ZRANB3: variants seen among roughly 807,000 people sequenced by gnomAD.
ZRANB3 encodes zinc finger RANBP2-type containing 3, also known as DNA annealing helicase and endonuclease ZRANB3.
A neutral mutation model predicts 133.8 loss-of-function variants in ZRANB3; 125 were observed. The observed-to-expected ratio is 0.93, with a 90% confidence interval of 0.81 to 1.08. ZRANB3 has a LOEUF of 1.08. ZRANB3 is among the 50% of genes least tolerant of loss of function. The pLI is 0.00. For synonymous variants in ZRANB3, 387 were observed against 432.7 expected, an observed-to-expected ratio of 0.89 and a Z score of 1.31; for missense variants, 1,229 against 1,275.5, an observed-to-expected ratio of 0.96 and a Z score of 0.56.
intron 8 of ZRANB3, among the ~76,000 whole-genome samples, chr2:135,305,113 G>A (rs142869566): frequency 1.0e-3 from 154 of 152,196 alleles, no homozygotes; most frequent in African/African-American, 3.6e-3. Context: ...AAGTAGCTGT[G>A]ATTACAGGTG....
At chr2:135,511,528 C>T in intron 1 of ZRANB3, 3 of 1,023,796 alleles carry the variant, frequency 2.9e-6, no homozygotes, top group South Asian at 1.3e-5. Context: ...GACAAACCCA[C>T]CAAAGACCTC....
At chr2:135,320,576 C>A (rs1683476856) in intron 6 of ZRANB3, among the ~76,000 whole-genome samples, 1 of 152,104 alleles carries the variant, frequency 6.6e-6, no homozygotes, top group African/African-American at 2.4e-5. Flanking sequence ...TAAACATACG[C>A]CTTTTAATCT....
At position 135,219,104 on chromosome 2, in the gene ZRANB3, G is replaced by C; in HGVS notation, c.2325C>G (p.Ser775Arg). Residue 775 changes from serine to arginine, a missense_variant, in exon 16 of 21, where the codon AGC becomes AGG. Ser to Arg is a moderately radical substitution (Grantham distance 110). Transcript: ENST00000264159. ...KLDLWEDLPA[S>R]FQLKQYRSLI... Reference sequence around the variant, plus strand: ...GTGAGCGATATTGTTTCAGCTGAAAGCTTGCTGGTAAATCTTCCCAAAGGT... The same window carrying C: ...GTGAGCGATATTGTTTCAGCTGAAACCTTGCTGGTAAATCTTCCCAAAGGT... 2 of 1,527,054 alleles carry C rather than the reference G, an allele frequency of 1.3e-6. No individual in the cohort carries two copies. The highest frequency in any genetic ancestry group is 1.8e-6 in the Non-Finnish European group (2 of 1,142,180). The allele number at this position is 1,527,054 out of a possible 1,614,324, so 94.6% of individuals were successfully genotyped here. A position where few individuals can be genotyped will look rare whatever the true frequency, so the allele number is the denominator to read the frequency against.
chr2:135,419,397 T>A (rs1688737518), intron 2 of ZRANB3, among the ~76,000 whole-genome samples: 1 of 151,966 alleles, frequency 6.6e-6, no homozygotes. Context: ...TGTTTATGTG[T>A]GTGTGTGTGT....
In ZRANB3 at chr2:135,412,803, G is replaced by A. The variant is rs1055819620; in HGVS notation, c.162-21983C>T. ...GTTATAGGGCAATTTTCTGCTAATGGAATCAGACTAATGAAGCATATTTTC... is the reference window on the plus strand; with the variant it reads ...GTTATAGGGCAATTTTCTGCTAATGAAATCAGACTAATGAAGCATATTTTC... On this transcript the variant is annotated intron_variant, in intron 2 of 20. Transcript: ENST00000264159. Among the ~76,000 whole-genome samples the A allele has an allele frequency of 2.6e-5, 4 of 151,936 alleles. No homozygotes were observed. The South Asian group carries it at 8.3e-4, about 31-fold the overall frequency.
rs1558846889 is a variant in ZRANB3, at chr2:135,230,939, A to G, written c.1540-12T>C. ...TTTTCTTTTTCGAACTAGGAAAAGC[A>G]AACAGTAGTTATCAAAGTAAGAAGC... On this transcript the variant is annotated splice_polypyrimidine_tract_variant and intron_variant, in intron 12 of 20. Coordinates refer to ENST00000264159, the MANE Select transcript of ZRANB3 (RefSeq NM_032143.4). 8 of 1,531,290 alleles carry G rather than the reference A, an allele frequency of 5.2e-6. No homozygotes were observed. The highest frequency in any genetic ancestry group is 2.3e-5 in the East Asian group (1 of 44,146). 94.9% of individuals were successfully genotyped at this position (1,531,290 alleles called of 1,614,324 possible).
At chr2:135,312,144 T>C (rs1683015212) in intron 8 of ZRANB3, among the ~76,000 whole-genome samples, 1 of 112,806 alleles carries the variant, frequency 8.9e-6, no homozygotes, top group South Asian at 2.8e-4. Flanking sequence ...TTATTTTATT[T>C]TATTTTATTT....
At chr2:135,458,267 T>C (rs531931232) in intron 2 of ZRANB3, among the ~76,000 whole-genome samples, 12 of 152,272 alleles carry the variant, frequency 7.9e-5, no homozygotes, top group Non-Finnish European at 1.5e-4. Context: ...CCAGTACTTA[T>C]AGTCTTCATT....
intron 11 of ZRANB3, among the ~76,000 whole-genome samples, chr2:135,266,341 C>A (rs985143728): frequency 6.6e-6 from 1 of 152,182 alleles, no homozygotes; most frequent in African/African-American, 2.4e-5. Context: ...TAACATATTT[C>A]TTTTGTATGA....
At chr2:135,488,537 TA>T (rs2104803008) in intron 2 of ZRANB3, among the ~76,000 whole-genome samples, 1 of 151,716 alleles carries the variant, frequency 6.6e-6, no homozygotes, top group East Asian at 1.9e-4. Context: ...TTGATTATAC[TA>T]TATAGCATAC....
At chr2:135,488,439 C>T (rs1692218886) in intron 2 of ZRANB3, among the ~76,000 whole-genome samples, 1 of 151,712 alleles carries the variant, frequency 6.6e-6, no homozygotes, top group African/African-American at 2.4e-5. Context: ...ATATGCAAAG[C>T]ACAATAAAGC....
At chr2:135,401,041 T>C (rs1687708448) in intron 2 of ZRANB3, among the ~76,000 whole-genome samples, 1 of 152,206 alleles carries the variant, frequency 6.6e-6, no homozygotes, top group African/African-American at 2.4e-5. Flanking sequence ...CTTTTGCATT[T>C]AGGATTATAT....
intron 2 of ZRANB3, among the ~76,000 whole-genome samples, chr2:135,477,285 A>T (rs1373553001): frequency 1.3e-5 from 2 of 152,232 alleles, no homozygotes; most frequent in African/African-American, 4.8e-5. Context: ...TAGAGGGGAA[A>T]ACAGTCATAG....
intron 4 of ZRANB3, among the ~76,000 whole-genome samples, chr2:135,352,379 C>T (rs1685247896): frequency 6.6e-6 from 1 of 151,134 alleles, no homozygotes; most frequent in South Asian, 2.1e-4. Context: ...TAAGGTATAC[C>T]AAACAGATGA....
chr2:135,284,780 T>TA (rs1378185043), intron 8 of ZRANB3, among the ~76,000 whole-genome samples: 2 of 151,848 alleles, frequency 1.3e-5, no homozygotes, highest in African/African-American at 4.8e-5. Flanking sequence ...CACCTTTCCT[T>TA]ACTTTACTCA....
At chr2:135,491,491 T>C (rs909211740) in intron 2 of ZRANB3, among the ~76,000 whole-genome samples, 2 of 151,660 alleles carry the variant, frequency 1.3e-5, no homozygotes, top group Non-Finnish European at 2.9e-5. Context: ...ATTACAGTAA[T>C]GTGCCACTAT....
chr2:135,314,875 G>A (rs1190435444), intron 7 of ZRANB3, among the ~76,000 whole-genome samples: 7 of 151,512 alleles, frequency 4.6e-5, no homozygotes, highest in East Asian at 1.9e-4. Context: ...TCAGCCTCCC[G>A]AGTAGCTGGG....
chr2:135,214,175 C>T (rs1410902296), intron 17 of ZRANB3, among the ~76,000 whole-genome samples: 1 of 152,174 alleles, frequency 6.6e-6, no homozygotes, highest in Non-Finnish European at 1.5e-5. Flanking sequence ...GGACTTCTTA[C>T]TTATAGAACT....
rs149807681 is a variant in ZRANB3, at chr2:135,385,589, A to G, written c.180+5213T>C. Among the ~76,000 whole-genome samples, 290 of 152,384 alleles carry G rather than the reference A, an allele frequency of 1.9e-3. 3 individuals carry two copies. The highest frequency in any genetic ancestry group is 6.6e-3 in the African/African-American group (276 of 41,588). ...ATCATGCTACCTGGCTTCAAACTAT[A>G]CTATAAGGCTACAGTAACCAAAACA... On this transcript the variant is annotated intron_variant, in intron 3 of 20. Transcript: ENST00000264159.
Sources: gnomAD v4.1 joint callset for allele counts (sites outside exome capture counted in the v4.1 genomes callset) on GRCh38, gnomAD v4.1.1 for gene constraint, MANE v1.5 for transcripts, NCBI Gene and HGNC (gene_info 2026-07-23, HGNC 2026-07-21) for gene names.